Variants in MAP3K15 observed in about 807,000 individuals in gnomAD.
The protein encoded by MAP3K15 is MAPK/ERK kinase kinase 15.
A neutral mutation model predicts 99.5 loss-of-function variants in MAP3K15; 124 were observed. That is an observed-to-expected ratio of 1.25 (90% confidence interval 1.08 to 1.45). The LOEUF (loss-of-function observed/expected upper bound fraction) is 1.45. Ranked by LOEUF, MAP3K15 falls within the 40% of genes most tolerant of loss-of-function variation. The pLI is 0.00. For synonymous variants in MAP3K15, 494 were observed against 439.6 expected (o/e 1.12, Z -1.55); for missense variants, 1,242 against 1,079.7 (o/e 1.15, Z -2.11).
intron 3 of MAP3K15, among the ~76,000 whole-genome samples, chrX:19,465,708 C>A (rs749686179): frequency 9.1e-6 from 1 of 110,485 alleles, no homozygotes; most frequent in East Asian, 2.9e-4. Flanking sequence ...GAGCCTAGAT[C>A]GCACCACTGC....
At chrX:19,430,998 G>GC (rs1454235415) in intron 7 of MAP3K15, among the ~76,000 whole-genome samples, 1 of 111,751 alleles carries the variant, frequency 8.9e-6, no homozygotes, top group African/African-American at 3.3e-5. Flanking sequence ...GCAATGCAAG[G>GC]CCCCCAAGGG....
intron 25 of MAP3K15, 34 bp downstream of exon 25, chrX:19,369,020 C>A (rs2063355404): frequency 8.7e-7 from 1 of 1,151,959 alleles, no homozygotes; most frequent in East Asian, 3.1e-5. Flanking sequence ...TGTCCCAGCG[C>A]CTGCTCCCAG....
intron 9 of MAP3K15, among the ~76,000 whole-genome samples, chrX:19,415,578 G>C (rs2063727515): frequency 8.9e-6 from 1 of 111,835 alleles, no homozygotes; most frequent in Admixed American, 9.6e-5. Context: ...AGGCACAGCT[G>C]ACTCTTGAAC....
At chrX:19,409,876 T>C in intron 12 of MAP3K15, 48 bp downstream of exon 12, 2 of 975,385 alleles carry the variant, frequency 2.1e-6, no homozygotes, top group Non-Finnish European at 1.5e-6. Context: ...TAAAACATTA[T>C]CATCATTTGC....
chrX:19,400,528 C>A lies in MAP3K15; in HGVS notation c.1932+48G>T, dbSNP rs754246574. The A allele has an allele frequency of 5.2e-6, 5 of 952,767 alleles. No homozygotes were observed. The South Asian group carries it at 1.1e-4, about 20-fold the overall frequency. 78.5% of individuals were successfully genotyped at this position (952,767 alleles called of 1,213,427 possible). On this transcript the variant is annotated intron_variant, in intron 14 of 28. Transcript: ENST00000338883. ...AAGATGGGACATTTTCTTGAAGCAT[C>A]GAACACACAATCAATGTTTTCCATA...
rs778750334 is a variant in MAP3K15 at position 19,431,568 on chromosome X, T to C, written c.1036A>G (p.Met346Val). ...TGDREKALQI[M>V]LQVLQSCDHP... ...TCACAGCTCTGCAGAACCTGGAGCA[T>C]GATCTGCAGAGCCTTCTCACGGTCA... is the stretch of plus-strand genomic sequence containing the variant. The change falls in exon 7 of 29, where the codon ATG becomes GTG. Residue 346 changes from methionine (M) to valine (V), a missense_variant. Transcript: ENST00000338883. 6 of 1,197,667 alleles carry C rather than the reference T, an allele frequency of 5.0e-6. No homozygotes were observed. The highest frequency in any genetic ancestry group is 3.0e-5 in the East Asian group (1 of 33,735).
intron 3 of MAP3K15, among the ~76,000 whole-genome samples, chrX:19,483,910 A>C (rs1293174567): frequency 9.0e-6 from 1 of 111,559 alleles, no homozygotes; most frequent in Non-Finnish European, 1.9e-5. Flanking sequence ...ATGACTACTA[A>C]TGGTACCCCT....
chrX:19,381,474 G>C (rs1443564753), intron 18 of MAP3K15, among the ~76,000 whole-genome samples: 1 of 112,495 alleles, frequency 8.9e-6, no homozygotes, highest in Non-Finnish European at 1.9e-5. Context: ...AGCAGCCTGG[G>C]TAAAGTGTAA....
intron 4 of MAP3K15, among the ~76,000 whole-genome samples, chrX:19,462,018 CACACACACACACACACACACAA>C (rs779099418): frequency 3.3e-5 from 1 of 30,384 alleles, no homozygotes; most frequent in Non-Finnish European, 1.2e-4. Flanking sequence ...CACACACACA[CACACACACACACACACACACAA>C]AACAAAGCTG....
chrX:19,507,599 A>G (rs1390362542), intron 1 of MAP3K15, among the ~76,000 whole-genome samples: 1 of 103,036 alleles, frequency 9.7e-6, no homozygotes, highest in African/African-American at 3.5e-5. Flanking sequence ...AAAAAAAAAA[A>G]AAAAAAAAAA....
At chrX:19,422,568 A>G (rs2063796271) in intron 9 of MAP3K15, among the ~76,000 whole-genome samples, 1 of 112,000 alleles carries the variant, frequency 8.9e-6, no homozygotes, top group African/African-American at 3.3e-5. Flanking sequence ...GAACACTTTT[A>G]CACTGTTGGT....
chrX:19,415,312 T>A (rs2063725186), intron 9 of MAP3K15, 55 bp from the exon 10 acceptor site: 2 of 1,028,690 alleles, frequency 1.9e-6, no homozygotes, highest in East Asian at 6.8e-5. Flanking sequence ...TGAATTCAAT[T>A]CAAGTCCCTT....
At chrX:19,414,921 G>A (rs982779759) in intron 10 of MAP3K15, among the ~76,000 whole-genome samples, 186 bp downstream of exon 10, 2 of 111,856 alleles carry the variant, frequency 1.8e-5, no homozygotes, top group African/African-American at 6.5e-5. Context: ...CTACTATAGA[G>A]GATATGGCCA....
chrX:19,369,240 G>A, intron 24 of MAP3K15, 21 bp from the exon 25 acceptor site: 1 of 1,210,623 alleles, frequency 8.3e-7, no homozygotes, highest in South Asian at 1.8e-5. Context: ...CACAAGACAT[G>A]ACAATGGTGA....
At chrX:19,395,997 C>G (rs1024333584) in intron 15 of MAP3K15, among the ~76,000 whole-genome samples, 2 of 111,830 alleles carry the variant, frequency 1.8e-5, no homozygotes, top group Non-Finnish European at 3.8e-5. Flanking sequence ...TCTTACTCAT[C>G]CCTCAAAGTG....
intron 18 of MAP3K15, among the ~76,000 whole-genome samples, chrX:19,390,440 T>TG (rs2063519585): frequency 2.0e-5 from 2 of 102,326 alleles, no homozygotes; most frequent in Non-Finnish European, 3.9e-5. Context: ...CACTAGTAGC[T>TG]GGGACCATAG....
At chrX:19,378,471 C>T (rs1006529578) in intron 19 of MAP3K15, among the ~76,000 whole-genome samples, 7 of 111,923 alleles carry the variant, frequency 6.3e-5, no homozygotes, top group South Asian at 3.7e-4. Context: ...CTTCACAGGG[C>T]GGCAGGAGAG....
chrX:19,397,428 AC>A (rs1202199976), intron 15 of MAP3K15, among the ~76,000 whole-genome samples: 1 of 111,378 alleles, frequency 9.0e-6, no homozygotes, highest in Admixed American at 9.6e-5. Flanking sequence ...ATTTAAAATA[AC>A]CCAGTAATAT....
chrX:19,385,637 G>T (rs1049866643), intron 18 of MAP3K15, among the ~76,000 whole-genome samples: 3 of 111,283 alleles, frequency 2.7e-5, no homozygotes, highest in African/African-American at 9.8e-5. Flanking sequence ...ACTCTGGAAG[G>T]TTAGGCAGAG....
Sources: allele counts gnomAD v4.1 joint callset (sites outside exome capture counted in the v4.1 genomes callset), GRCh38; gene constraint gnomAD v4.1.1; transcripts MANE v1.5; gene names NCBI Gene and HGNC (gene_info 2026-07-23, HGNC 2026-07-21).